Variants in SLC24A4 observed in about 807,000 individuals in gnomAD.
The protein encoded by SLC24A4 is solute carrier family 24 member 4.
Under a neutral mutation model 79.0 loss-of-function variants are expected in SLC24A4, and 53 were observed. The observed-to-expected ratio is 0.67, with a 90% CI of 0.54 to 0.84. The LOEUF is 0.84. Among genes scored for constraint, SLC24A4 ranks in the 40% least tolerant of loss-of-function variants. The pLI, the probability that SLC24A4 is intolerant of heterozygous loss-of-function variation, is 0.00. For missense variants in SLC24A4, 731 were observed against 822.0 expected (o/e 0.89, Z 1.35); for synonymous variants, 323 against 323.8 (o/e 1.00, Z 0.03).
chr14:92,348,125 TGAGA>T (rs1422183727), intron 2 of SLC24A4, among the ~76,000 whole-genome samples: 1 of 151,938 alleles, frequency 6.6e-6, no homozygotes, highest in Non-Finnish European at 1.5e-5. Flanking sequence ...TCTCAGGAGG[TGAGA>T]GAGTTACTAA....
chr14:92,401,600 CAG>C (rs1285012615), intron 2 of SLC24A4, among the ~76,000 whole-genome samples: 4 of 152,152 alleles, frequency 2.6e-5, no homozygotes, highest in African/African-American at 7.2e-5. Context: ...TTCCCCTGAG[CAG>C]AGAGAGGCAG....
chr14:92,459,024 A>G (rs757501488), intron 12 of SLC24A4, among the ~76,000 whole-genome samples: 11 of 152,104 alleles, frequency 7.2e-5, no homozygotes, highest in Non-Finnish European at 1.3e-4. Context: ...CATTTTGCAG[A>G]TGTGGGGCCT....
At chr14:92,377,845 GGACTCGGT>G (rs1888603212) in intron 2 of SLC24A4, among the ~76,000 whole-genome samples, 1 of 152,122 alleles carries the variant, frequency 6.6e-6, no homozygotes, top group African/African-American at 2.4e-5. Context: ...GAAACAGGCA[GGACTCGGT>G]GACTGGTTTG....
At chr14:92,492,980 A>G (rs1304212295) in intron 16 of SLC24A4, 39 of 348,330 alleles carry the variant, frequency 1.1e-4, no homozygotes, top group African/African-American at 5.3e-4. Flanking sequence ...ACACACACAC[A>G]CACACACACA....
At chr14:92,374,823 A>G (rs1466109286) in intron 2 of SLC24A4, among the ~76,000 whole-genome samples, 1 of 152,158 alleles carries the variant, frequency 6.6e-6, no homozygotes, top group African/African-American at 2.4e-5. Flanking sequence ...CACTTGACCT[A>G]TTTTTGTTAA....
rs948133483 is a variant in SLC24A4 at position 92,323,291 on chromosome 14, C to T, written c.-540C>T. On this transcript the variant is annotated 5_prime_UTR_variant, in exon 1 of 17. Coordinates refer to ENST00000532405, the MANE Select transcript of SLC24A4 (RefSeq NM_153646.4). The surrounding 1 kb of genome is among the most constrained non-coding windows in gnomAD (Gnocchi z 4.9). ...GTACCGCGCGTCCAGCCAGCCTTCCCGCGGCGCGCACTCGGCCGCCCGGGC... is the reference window on the plus strand; with the variant it reads ...GTACCGCGCGTCCAGCCAGCCTTCCTGCGGCGCGCACTCGGCCGCCCGGGC... 2 of 152,092 alleles carry T rather than the reference C, an allele frequency of 1.3e-5. No homozygotes were observed. Among genetic ancestry groups the T allele is most frequent in the Admixed American group, 1.3e-4 (2 of 15,280 alleles). The allele number at this position is 152,092 out of a possible 1,614,324, so 9.4% of individuals were successfully genotyped here.
intron 2 of SLC24A4, among the ~76,000 whole-genome samples, chr14:92,389,889 C>G (rs961194712): frequency 2.0e-5 from 3 of 152,152 alleles, no homozygotes; most frequent in Non-Finnish European, 4.4e-5. Context: ...TGGGCGCCTG[C>G]GTTCCCTGCC....
intron 2 of SLC24A4, among the ~76,000 whole-genome samples, chr14:92,340,426 G>A (rs1886066069): frequency 6.6e-6 from 1 of 152,262 alleles, no homozygotes; most frequent in Admixed American, 6.5e-5. Flanking sequence ...GACAGATGGG[G>A]AGGGTGGGAC....
At chr14:92,448,152 C>T (rs77710026) in intron 9 of SLC24A4, among the ~76,000 whole-genome samples, 2,140 of 152,052 alleles carry the variant, frequency 0.014, 34 homozygotes, top group East Asian at 0.063. Flanking sequence ...TCAGTGCAGG[C>T]GGCTGGGGAG....
chr14:92,406,805 G>GC (rs1244400080), intron 2 of SLC24A4, among the ~76,000 whole-genome samples: 3 of 151,842 alleles, frequency 2.0e-5, no homozygotes, highest in Non-Finnish European at 4.4e-5. Context: ...GTGATGGGGG[G>GC]GTCTCTGAAA....
intron 2 of SLC24A4, among the ~76,000 whole-genome samples, chr14:92,415,816 G>A (rs1487390900): frequency 6.6e-6 from 1 of 151,782 alleles, no homozygotes; most frequent in African/African-American, 2.4e-5. Context: ...GTGGTATTTG[G>A]TTATGCAAGT....
At chr14:92,484,465 G>T in intron 13 of SLC24A4, 1 of 985,334 alleles carries the variant, frequency 1.0e-6, no homozygotes, top group Non-Finnish European at 1.2e-6. Flanking sequence ...CCAAAAGGAA[G>T]CTCAGGACGG....
At chr14:92,343,295 C>T (rs1886271904) in intron 2 of SLC24A4, among the ~76,000 whole-genome samples, 2 of 152,142 alleles carry the variant, frequency 1.3e-5, no homozygotes, top group Non-Finnish European at 2.9e-5. Flanking sequence ...CTAAGAGTTG[C>T]CTTTTGGATG....
intron 11 of SLC24A4, among the ~76,000 whole-genome samples, chr14:92,454,894 C>T (rs1215579261): frequency 6.9e-6 from 1 of 144,476 alleles, no homozygotes; most frequent in Non-Finnish European, 1.6e-5. Flanking sequence ...TGAAATTTGA[C>T]CGAATCCAGG....
intron 1 of SLC24A4, 101 bp from the exon 2 acceptor site, chr14:92,325,767 A>G: frequency 2.9e-6 from 2 of 682,864 alleles, no homozygotes; most frequent in Non-Finnish European, 2.6e-6. Context: ...TGAATAGGCA[A>G]ACAGGGCTGT....
chr14:92,333,981 C>T (rs1240194016), intron 2 of SLC24A4, among the ~76,000 whole-genome samples: 3 of 151,856 alleles, frequency 2.0e-5, no homozygotes, highest in Non-Finnish European at 4.4e-5. Context: ...CACGAGAAAT[C>T]AAGAGAAGGA....
In SLC24A4 at chr14:92,445,307, T is replaced by C; in HGVS notation, c.658-10T>C. On this transcript the variant is annotated splice_polypyrimidine_tract_variant and intron_variant, in intron 7 of 16. Transcript: ENST00000532405. ...CCACCCACCTCAACTCTGTTTCTTTTGCCTTACAGTTCATATATGATGAAC... is the reference window on the plus strand; with the variant it reads ...CCACCCACCTCAACTCTGTTTCTTTCGCCTTACAGTTCATATATGATGAAC... 2 of 1,614,168 alleles carry C rather than the reference T, an allele frequency of 1.2e-6. No homozygotes were observed. The highest frequency in any genetic ancestry group is 1.7e-6 in the Non-Finnish European group (2 of 1,179,982).
intron 2 of SLC24A4, among the ~76,000 whole-genome samples, chr14:92,396,116 G>A (rs765857288): frequency 4.6e-5 from 7 of 152,184 alleles, no homozygotes; most frequent in Non-Finnish European, 1.0e-4. Flanking sequence ...GAGCCATCGC[G>A]CCTCACCAGT....
At chr14:92,334,993 C>T (rs1323099374) in intron 2 of SLC24A4, among the ~76,000 whole-genome samples, 1 of 152,114 alleles carries the variant, frequency 6.6e-6, no homozygotes, top group African/African-American at 2.4e-5. Context: ...GGGTTACTTG[C>T]TTCTCGTAAC....
Sources: allele counts gnomAD v4.1 joint callset (sites outside exome capture counted in the v4.1 genomes callset), GRCh38; gene constraint gnomAD v4.1.1; non-coding constraint Gnocchi (gnomAD v3.1); transcripts MANE v1.5; gene names NCBI Gene and HGNC (gene_info 2026-07-23, HGNC 2026-07-21).